The following SNX4 variants were observed in gnomAD, a reference collection of about 807,000 sequenced individuals.
The protein encoded by SNX4 is sorting nexin-4.
Under a neutral mutation model 70.8 loss-of-function variants are expected in SNX4, and 49 were observed. The observed-to-expected ratio is 0.69, with a 90% CI of 0.55 to 0.88. SNX4 has a LOEUF of 0.88. Ranked by LOEUF, SNX4 falls within the 40% of genes least tolerant of loss-of-function variation. SNX4 has a pLI of 0.00. For missense variants in SNX4, 528 were observed against 544.8 expected (o/e 0.97, Z 0.31); for synonymous variants, 206 against 183.8 (o/e 1.12, Z -0.98).
At chr3:125,509,534 C>T (rs1017044052) in intron 1 of SNX4, among the ~76,000 whole-genome samples, 4 of 151,566 alleles carry the variant, frequency 2.6e-5, no homozygotes, top group African/African-American at 9.7e-5. Context: ...GGTGGATCAC[C>T]TGAGGTCAGG....
chr3:125,504,368 C>T (rs1395805236), intron 2 of SNX4, among the ~76,000 whole-genome samples: 1 of 150,354 alleles, frequency 6.7e-6, no homozygotes, highest in East Asian at 1.9e-4. Flanking sequence ...CATGGTGGCT[C>T]ACGCCTGTAT....
At chr3:125,482,612 C>T (rs868347825) in intron 6 of SNX4, among the ~76,000 whole-genome samples, 11 of 151,954 alleles carry the variant, frequency 7.2e-5, no homozygotes, top group Admixed American at 3.3e-4. Flanking sequence ...CAAATCTATA[C>T]CACCCCCTTG....
intron 1 of SNX4, among the ~76,000 whole-genome samples, chr3:125,509,752 C>CAAAA (rs202049305): frequency 8.7e-5 from 6 of 68,722 alleles, no homozygotes; most frequent in East Asian, 4.8e-4. Context: ...GAATCTGTCT[C>CAAAA]AAAAAAAAAA....
intron 2 of SNX4, among the ~76,000 whole-genome samples, chr3:125,502,391 T>C (rs1934948202): frequency 6.6e-6 from 1 of 152,048 alleles, no homozygotes; most frequent in Non-Finnish European, 1.5e-5. Flanking sequence ...TTTTCTTTCT[T>C]TCTGGTAGAA....
intron 6 of SNX4, among the ~76,000 whole-genome samples, chr3:125,483,016 T>G (rs1934449532): frequency 6.6e-6 from 1 of 151,964 alleles, no homozygotes; most frequent in South Asian, 2.1e-4. Context: ...GGGAAATGGA[T>G]AGAGAGGAAC....
chr3:125,451,264 T>C (rs1933564349), intron 13 of SNX4, 41 bp downstream of exon 13: 1 of 1,418,500 alleles, frequency 7.0e-7, no homozygotes, highest in South Asian at 1.3e-5. Context: ...TAAGCACTTC[T>C]GAATATACAT....
chr3:125,497,079 T>TAAAA (rs869287911), intron 5 of SNX4, among the ~76,000 whole-genome samples: 2 of 124,078 alleles, frequency 1.6e-5, no homozygotes, highest in African/African-American at 5.9e-5. Flanking sequence ...AAACACTAAC[T>TAAAA]AAAAAAAAAA....
Position 125,497,816 on chromosome 3 carries a change from T to C in SNX4, c.549+18A>G, listed in dbSNP as rs1028523355. 3 of 1,544,494 alleles carry C rather than the reference T, an allele frequency of 1.9e-6. No individual in the cohort carries two copies. Among genetic ancestry groups the C allele is most frequent in the African/African-American group, 2.8e-5 (2 of 72,120 alleles). ...AATTAAATGAATATTTTACTAAGAC[T>C]AAATAAAAGAAAAATACCTGTGTTA... On this transcript the variant is annotated intron_variant, in intron 4 of 13. Transcript: ENST00000251775.
At chr3:125,461,426 A>G (rs114409122) in intron 9 of SNX4, among the ~76,000 whole-genome samples, 2,109 of 152,328 alleles carry the variant, frequency 0.014, 39 homozygotes, top group African/African-American at 0.046. Flanking sequence ...AGAAATAAAC[A>G]AACAAAAAAA....
intron 1 of SNX4, among the ~76,000 whole-genome samples, chr3:125,513,433 G>A (rs778354874): frequency 4.6e-5 from 7 of 152,162 alleles, no homozygotes; most frequent in African/African-American, 9.7e-5. Context: ...CAAAGTCATC[G>A]GGAACATTTA....
chr3:125,517,696 C>A (rs563614930), intron 1 of SNX4, among the ~76,000 whole-genome samples: 1 of 152,332 alleles, frequency 6.6e-6, no homozygotes, highest in East Asian at 1.9e-4. Flanking sequence ...ACCACATAGG[C>A]CGAGGGCAGT....
At chr3:125,470,739 C>T (rs985005832) in intron 8 of SNX4, among the ~76,000 whole-genome samples, 1 of 152,130 alleles carries the variant, frequency 6.6e-6, no homozygotes, top group African/African-American at 2.4e-5. Flanking sequence ...AATTTAGTAA[C>T]CCAGTCTGGT....
chr3:125,477,456 T>C (rs180817479), intron 7 of SNX4, among the ~76,000 whole-genome samples: 2 of 152,312 alleles, frequency 1.3e-5, no homozygotes. Flanking sequence ...TGGTAATTAA[T>C]TTGCTTTACG....
chr3:125,455,990 G>A (rs572135459), intron 11 of SNX4, among the ~76,000 whole-genome samples: 6 of 152,210 alleles, frequency 3.9e-5, no homozygotes, highest in Admixed American at 2.6e-4. Context: ...GCAACAGAGC[G>A]AAACTCGGTC....
At chr3:125,519,391 A>G (rs1935348289) in intron 1 of SNX4, among the ~76,000 whole-genome samples, 2 of 152,158 alleles carry the variant, frequency 1.3e-5, no homozygotes, top group Admixed American at 6.5e-5. Context: ...CCAATGGGAA[A>G]CACAGCACTT....
chr3:125,507,167 C>T (rs1379204996), intron 1 of SNX4, among the ~76,000 whole-genome samples: 1 of 143,176 alleles, frequency 7.0e-6, no homozygotes, highest in Non-Finnish European at 1.5e-5. Flanking sequence ...AAGACCACGC[C>T]ACTGCACTCC....
intron 9 of SNX4, 47 bp from the exon 10 acceptor site, chr3:125,460,907 G>T (rs769260526): frequency 1.0e-6 from 1 of 953,248 alleles, no homozygotes; most frequent in Non-Finnish European, 1.6e-6. Context: ...ACTTTCATTG[G>T]AATACAAAGT....
At position 125,493,556 on chromosome 3, in the gene SNX4, A is replaced by C. The variant is rs1370236549; in HGVS notation, c.597+3785T>G. ...GTAGTCTCAACTACTCGGGAGGCTGAGGTGGGAGAATGGCTTGAGCTGGGG... is the reference window on the plus strand; with the variant it reads ...GTAGTCTCAACTACTCGGGAGGCTGCGGTGGGAGAATGGCTTGAGCTGGGG... On this transcript the variant is annotated intron_variant, in intron 5 of 13. Transcript: ENST00000251775. Among the ~76,000 whole-genome samples the C allele has an allele frequency of 2.0e-5, 3 of 150,768 alleles. No homozygotes were observed. In the East Asian group the frequency reaches 5.9e-4, roughly 30 times the overall value.
intron 2 of SNX4, among the ~76,000 whole-genome samples, chr3:125,498,477 A>C (rs1422880245): frequency 6.6e-6 from 1 of 152,116 alleles, no homozygotes; most frequent in Admixed American, 6.5e-5. Context: ...ATGTCACCAC[A>C]TTGGCTAATA....
Sources: allele counts gnomAD v4.1 joint callset (sites outside exome capture counted in the v4.1 genomes callset), GRCh38; gene constraint gnomAD v4.1.1; transcripts MANE v1.5; gene names NCBI Gene and HGNC (gene_info 2026-07-23, HGNC 2026-07-21).